Variants in NALF1 observed in about 807,000 individuals in gnomAD.
NALF1 encodes family with sequence similarity 155 member A.
NALF1 carries 3 observed loss-of-function variants against 48.4 expected under a neutral mutation model. That is an observed-to-expected ratio of 0.06 (90% CI 0.03 to 0.16). The LOEUF (loss-of-function observed/expected upper bound fraction) is 0.16. NALF1 is among the 10% of genes least tolerant of loss of function. NALF1 has a pLI of 1.00. For synonymous variants in NALF1, 262 were observed against 245.7 expected, an observed-to-expected ratio of 1.07 and a Z score of -0.62; for missense variants, 526 against 571.5, an observed-to-expected ratio of 0.92 and a Z score of 0.81.
rs533848476 is a variant in NALF1, at chr13:107,846,647, A to T, written c.915+19035T>A. Among the ~76,000 whole-genome samples, 10 of 152,336 alleles carry T rather than the reference A, an allele frequency of 6.6e-5. 1 individual carries two copies. The South Asian group carries it at 2.1e-3, about 32-fold the overall frequency. ...ATGCATCTCCTAGAAGAATTAGAAG[A>T]ATATCTAGCATTCCAGAGTTGGTGA... On this transcript the variant is annotated intron_variant, in intron 1 of 2. Coordinates refer to ENST00000375915, the MANE Select transcript of NALF1 (RefSeq NM_001080396.3).
chr13:107,240,535 A>C (rs574492215), intron 1 of NALF1, among the ~76,000 whole-genome samples: 1 of 152,350 alleles, frequency 6.6e-6, no homozygotes, highest in African/African-American at 2.4e-5. Context: ...TCATTTGTAT[A>C]ATAACTGAGA....
intron 1 of NALF1, among the ~76,000 whole-genome samples, chr13:107,643,628 T>C (rs1357049436): frequency 1.3e-5 from 2 of 152,078 alleles, no homozygotes; most frequent in Non-Finnish European, 2.9e-5. Context: ...GGAGGATTAT[T>C]AGAAAAATAA....
chr13:107,246,690 T>C (rs1202875817), intron 1 of NALF1, among the ~76,000 whole-genome samples: 2 of 152,184 alleles, frequency 1.3e-5, no homozygotes, highest in Admixed American at 1.3e-4. Context: ...ACTGAAAATA[T>C]GAAAACGAAC....
chr13:107,605,069 G>A (rs964411412), intron 1 of NALF1, among the ~76,000 whole-genome samples: 1 of 152,156 alleles, frequency 6.6e-6, no homozygotes, highest in Non-Finnish European at 1.5e-5. Flanking sequence ...CCAGGGCGCA[G>A]AACAATTGAC....
rs573658504 is a variant in NALF1 at position 107,713,025 on chromosome 13, G to T, written c.915+152657C>A. On this transcript the variant is annotated intron_variant, in intron 1 of 2. Transcript: ENST00000375915. ...GCCCTTCTCCTTGGCTCCAGAACAG[G>T]ACATTCAGAGCTGAGGTGTCCCTGC... Among the ~76,000 whole-genome samples, 34 of 152,220 alleles carry T rather than the reference G, an allele frequency of 2.2e-4. No individual in the cohort carries two copies. The South Asian group carries it at 6.6e-3, about 30-fold the overall frequency.
At chr13:107,551,182 T>C (rs1279363318) in intron 1 of NALF1, among the ~76,000 whole-genome samples, 1 of 152,190 alleles carries the variant, frequency 6.6e-6, no homozygotes, top group African/African-American at 2.4e-5. Flanking sequence ...ACGTCTCTTC[T>C]ATGAACGAAG....
At chr13:107,433,110 C>A (rs910355502) in intron 1 of NALF1, among the ~76,000 whole-genome samples, 5 of 152,112 alleles carry the variant, frequency 3.3e-5, no homozygotes, top group Non-Finnish European at 7.3e-5. Flanking sequence ...GTTTTTGTCA[C>A]AACTAGACTA....
chr13:107,368,879 A>C (rs192208918), intron 1 of NALF1, among the ~76,000 whole-genome samples: 1 of 152,128 alleles, frequency 6.6e-6, no homozygotes, highest in African/African-American at 2.4e-5. Flanking sequence ...CTCCGTGTAC[A>C]TTTTAACTTC....
intron 1 of NALF1, among the ~76,000 whole-genome samples, chr13:107,732,484 G>A (rs777991041): frequency 5.3e-5 from 8 of 152,096 alleles, no homozygotes; most frequent in Non-Finnish European, 1.0e-4. Context: ...CAGCCATGCT[G>A]TCCTGGGCTT....
At chr13:107,175,744 TGGGGG>T (rs1044493894) in intron 2 of NALF1, among the ~76,000 whole-genome samples, 1 of 152,182 alleles carries the variant, frequency 6.6e-6, no homozygotes, top group Admixed American at 6.5e-5. Context: ...CCTTGGGACC[TGGGGG>T]CACAGACTCC....
intron 1 of NALF1, among the ~76,000 whole-genome samples, chr13:107,610,881 T>G (rs1879207028): frequency 6.6e-6 from 1 of 152,122 alleles, no homozygotes; most frequent in Non-Finnish European, 1.5e-5. Flanking sequence ...CTGGGCGAGC[T>G]GACACTAGTG....
At position 107,684,791 on chromosome 13, in the gene NALF1, T is replaced by A. The variant is rs572087037; in HGVS notation, c.915+180891A>T. Among the ~76,000 whole-genome samples the A allele has an allele frequency of 2.1e-4, 32 of 152,332 alleles. 1 individual carries two copies. In the South Asian group the frequency reaches 6.6e-3, roughly 32 times the overall value. ...CAACACGCACAGATGTTGACAAATATCTTCAATTTGGTGTAAAGTTCCTAA... is the reference window on the plus strand; with the variant it reads ...CAACACGCACAGATGTTGACAAATAACTTCAATTTGGTGTAAAGTTCCTAA... On this transcript the variant is annotated intron_variant, in intron 1 of 2. Transcript: ENST00000375915.
intron 1 of NALF1, among the ~76,000 whole-genome samples, chr13:107,341,314 C>T (rs1413407554): frequency 6.6e-6 from 1 of 152,014 alleles, no homozygotes; most frequent in African/African-American, 2.4e-5. Context: ...AATGGAGAGG[C>T]ACAATAAGCA....
intron 1 of NALF1, among the ~76,000 whole-genome samples, chr13:107,398,794 G>A (rs1031178811): frequency 1.1e-4 from 17 of 152,144 alleles, no homozygotes; most frequent in Non-Finnish European, 1.0e-4. Context: ...TTAGGAAAAC[G>A]TAAGCAATAC....
chr13:107,704,527 T>C (rs977627722), intron 1 of NALF1, among the ~76,000 whole-genome samples: 1 of 152,170 alleles, frequency 6.6e-6, no homozygotes, highest in African/African-American at 2.4e-5. Context: ...TTTAGTTCCC[T>C]GGCAGTTGAT....
intron 1 of NALF1, among the ~76,000 whole-genome samples, chr13:107,451,795 A>G (rs1460440465): frequency 6.6e-6 from 1 of 152,204 alleles, no homozygotes; most frequent in African/African-American, 2.4e-5. Flanking sequence ...TCTAAGTGAC[A>G]TCTCTGATAC....
chr13:107,281,406 T>G (rs995607294), intron 1 of NALF1, among the ~76,000 whole-genome samples: 4 of 152,068 alleles, frequency 2.6e-5, no homozygotes, highest in African/African-American at 9.7e-5. Flanking sequence ...TTGGCATAAT[T>G]TGAGCATGAG....
At chr13:107,289,669 G>A (rs1881575197) in intron 1 of NALF1, among the ~76,000 whole-genome samples, 1 of 152,148 alleles carries the variant, frequency 6.6e-6, no homozygotes, top group East Asian at 1.9e-4. Flanking sequence ...GTAGGCATCT[G>A]AGTGTACACA....
intron 1 of NALF1, among the ~76,000 whole-genome samples, chr13:107,643,925 G>A (rs1880233150): frequency 6.6e-6 from 1 of 150,970 alleles, no homozygotes; most frequent in African/African-American, 2.4e-5. Flanking sequence ...TTGAGAGTCA[G>A]GAGACTGAAA....
Sources: allele counts gnomAD v4.1 joint callset (sites outside exome capture counted in the v4.1 genomes callset), GRCh38; gene constraint gnomAD v4.1.1; transcripts MANE v1.5; gene names NCBI Gene and HGNC (gene_info 2026-07-23, HGNC 2026-07-21).